Variants in PTPRD observed in about 807,000 individuals in gnomAD.
PTPRD encodes the protein receptor-type tyrosine-protein phosphatase delta.
Under a neutral mutation model 214.5 loss-of-function variants are expected in PTPRD, and 34 were observed. The observed-to-expected ratio is 0.16, with a 90% confidence interval of 0.12 to 0.21. PTPRD has a LOEUF of 0.21. Ranked by LOEUF, PTPRD falls within the 10% of genes least tolerant of loss-of-function variation. PTPRD has a pLI of 1.00. For synonymous variants in PTPRD, 1,128 were observed against 845.7 expected (o/e 1.33, Z -5.79); for missense variants, 2,545 against 2,398.7 (o/e 1.06, Z -1.27).
At chr9:9,469,419 C>G (rs2094440402) in intron 8 of PTPRD, among the ~76,000 whole-genome samples, 1 of 152,128 alleles carries the variant, frequency 6.6e-6, no homozygotes, top group Non-Finnish European at 1.5e-5. Flanking sequence ...CTCACTGGGT[C>G]TCACATGACC....
At chr9:8,373,407 C>G (rs375098517) in intron 39 of PTPRD, among the ~76,000 whole-genome samples, 8 of 152,002 alleles carry the variant, frequency 5.3e-5, no homozygotes, top group Admixed American at 2.6e-4. Flanking sequence ...CTCATTGTTT[C>G]GAAGTTGCTA....
In PTPRD at chr9:9,099,409, T is replaced by G. The variant is rs1159667946; in HGVS notation, c.-142-80674A>C. On this transcript the variant is annotated intron_variant, in intron 10 of 45. Transcript: ENST00000381196. ...TGCCTTGTGTATTGCTAATCATGTT[T>G]GTCTTGAATAAGTGTCTGTGGACTG... Among the ~76,000 whole-genome samples the G allele has an allele frequency of 3.9e-5, 6 of 152,178 alleles. No individual in the cohort carries two copies. The East Asian group carries it at 1.2e-3, about 29-fold the overall frequency.
intron 5 of PTPRD, among the ~76,000 whole-genome samples, chr9:9,879,050 G>A (rs2067784397): frequency 6.6e-6 from 1 of 152,138 alleles, no homozygotes; most frequent in Non-Finnish European, 1.5e-5. Flanking sequence ...TTTTCATTCA[G>A]TATTTTCTAT....
At chr9:10,440,694 G>A (rs552433116) in intron 2 of PTPRD, among the ~76,000 whole-genome samples, 30 of 151,804 alleles carry the variant, frequency 2.0e-4, no homozygotes, top group Admixed American at 3.9e-4. Context: ...ATTTCACCTC[G>A]AGAGCCAATA....
chr9:8,751,181 C>G (rs534215647), intron 11 of PTPRD, among the ~76,000 whole-genome samples: 1 of 152,222 alleles, frequency 6.6e-6, no homozygotes, highest in African/African-American at 2.4e-5. Context: ...CCTACAAAAT[C>G]AAATGACTTT....
At chr9:10,043,314 A>T (rs542962113) in intron 3 of PTPRD, among the ~76,000 whole-genome samples, 1 of 151,946 alleles carries the variant, frequency 6.6e-6, no homozygotes, top group African/African-American at 2.4e-5. Context: ...TAGCATATCC[A>T]TTGCTTTACT....
intron 9 of PTPRD, among the ~76,000 whole-genome samples, chr9:9,233,120 G>C (rs2099964202): frequency 6.6e-6 from 1 of 152,242 alleles, no homozygotes; most frequent in Admixed American, 6.5e-5. Flanking sequence ...AGAAATACCA[G>C]AGACTGGGTA....
intron 27 of PTPRD, among the ~76,000 whole-genome samples, chr9:8,489,224 G>C (rs763633743): frequency 6.6e-6 from 1 of 152,148 alleles, no homozygotes; most frequent in Admixed American, 6.5e-5. Context: ...CTCTTCTGTG[G>C]GAGTTAAAGC....
chr9:9,261,690 G>A lies in PTPRD; in HGVS notation c.-202-78327C>T, dbSNP rs1306836918. Among the ~76,000 whole-genome samples, 9 of 151,166 alleles carry A rather than the reference G, an allele frequency of 6.0e-5. No homozygotes were observed. In the Admixed American group the frequency reaches 6.0e-4, roughly 10 times the overall value. ...TGTGTGTGTGTTCAGGAGGGAGAGG[G>A]GTTGTGAATCAAGGCACTGTAATGG... On this transcript the variant is annotated intron_variant, in intron 9 of 45. Transcript: ENST00000381196.
intron 7 of PTPRD, among the ~76,000 whole-genome samples, chr9:9,610,602 T>C (rs1250722388): frequency 2.0e-5 from 3 of 152,202 alleles, no homozygotes; most frequent in African/African-American, 7.2e-5. Flanking sequence ...TTACAAATAT[T>C]GTCTAAACTT....
chr9:10,288,629 A>T (rs2095435563), intron 3 of PTPRD, among the ~76,000 whole-genome samples: 1 of 152,202 alleles, frequency 6.6e-6, no homozygotes, highest in African/African-American at 2.4e-5. Context: ...TGCTTAAGAC[A>T]TGCAGTTCTT....
chr9:9,939,532 A>G (rs940267884), intron 4 of PTPRD, among the ~76,000 whole-genome samples: 2 of 152,150 alleles, frequency 1.3e-5, no homozygotes, highest in Non-Finnish European at 2.9e-5. Flanking sequence ...AATCTTCAAA[A>G]CCAGGATTGA....
intron 2 of PTPRD, among the ~76,000 whole-genome samples, chr9:10,538,922 T>C (rs1211238030): frequency 2.6e-5 from 4 of 152,188 alleles, no homozygotes; most frequent in Non-Finnish European, 5.9e-5. Context: ...TGTTTATAAA[T>C]ACTAACTTCT....
chr9:9,038,722 T>A (rs1271162636), intron 10 of PTPRD, among the ~76,000 whole-genome samples: 1 of 151,764 alleles, frequency 6.6e-6, no homozygotes, highest in Non-Finnish European at 1.5e-5. Flanking sequence ...GCCCAGCTAA[T>A]TTTTTTGTAT....
intron 2 of PTPRD, among the ~76,000 whole-genome samples, chr9:10,518,636 C>T (rs1050358112): frequency 7.2e-5 from 11 of 151,956 alleles, no homozygotes; most frequent in African/African-American, 2.7e-4. Context: ...AGGTTCACGC[C>T]ATTCTGCTGC....
chr9:9,475,214 T>C (rs1259797650), intron 8 of PTPRD, among the ~76,000 whole-genome samples: 1 of 152,214 alleles, frequency 6.6e-6, no homozygotes, highest in African/African-American at 2.4e-5. Flanking sequence ...CAATAGCTAA[T>C]ATATTACGAA....
intron 2 of PTPRD, among the ~76,000 whole-genome samples, chr9:10,546,948 G>A (rs1020077028): frequency 6.6e-6 from 1 of 152,024 alleles, no homozygotes; most frequent in Non-Finnish European, 1.5e-5. Flanking sequence ...CACTGTACAG[G>A]TAAGAGTTTT....
chr9:9,148,746 A>G (rs1592440095), intron 10 of PTPRD, among the ~76,000 whole-genome samples: 1 of 152,340 alleles, frequency 6.6e-6, no homozygotes, highest in East Asian at 1.9e-4. Context: ...CCACTCTAAG[A>G]CAACGAATAG....
At chr9:9,862,884 G>A (rs2063098973) in intron 5 of PTPRD, among the ~76,000 whole-genome samples, 1 of 152,050 alleles carries the variant, frequency 6.6e-6, no homozygotes, top group South Asian at 2.1e-4. Flanking sequence ...TTTCTGTTAT[G>A]TTTTAGTAGA....
Sources: gnomAD v4.1 joint callset for allele counts (sites outside exome capture counted in the v4.1 genomes callset) on GRCh38, gnomAD v4.1.1 for gene constraint, MANE v1.5 for transcripts, NCBI Gene and HGNC (gene_info 2026-07-23, HGNC 2026-07-21) for gene names.